The following ACAP2 variants were observed in gnomAD, a reference collection of about 807,000 sequenced individuals.
The protein encoded by ACAP2 is arf-GAP with coiled-coil, ANK repeat and PH domain-containing protein 2.
A neutral mutation model predicts 115.8 loss-of-function variants in ACAP2; 39 were observed. The ratio of observed to expected loss-of-function variants is 0.34; its 90% CI spans 0.26 to 0.44. ACAP2 has a LOEUF of 0.44. ACAP2 is among the 20% of genes least tolerant of loss of function. The pLI is 1.00. For missense variants in ACAP2, 662 were observed against 927.6 expected (o/e 0.71, Z 3.72); for synonymous variants, 289 against 315.8 (o/e 0.92, Z 0.90).
chr3:195,354,529 G>A (rs959067631), intron 4 of ACAP2, among the ~76,000 whole-genome samples: 1 of 152,084 alleles, frequency 6.6e-6, no homozygotes, highest in Non-Finnish European at 1.5e-5. Flanking sequence ...TAATGGGGTT[G>A]TGTTTTTCTT....
intron 4 of ACAP2, among the ~76,000 whole-genome samples, chr3:195,351,409 G>A (rs199641550): frequency 1.3e-4 from 19 of 150,794 alleles, no homozygotes; most frequent in African/African-American, 4.1e-4. Flanking sequence ...GAGTCACCAC[G>A]CCAGGCCAAT....
At chr3:195,350,655 A>C (rs1398827497) in intron 4 of ACAP2, among the ~76,000 whole-genome samples, 2 of 151,780 alleles carry the variant, frequency 1.3e-5, no homozygotes, top group African/African-American at 2.4e-5. Context: ...TCAGGAAAAA[A>C]AAAAAAAGAA....
chr3:195,289,002 G>C, intron 21 of ACAP2, 119 bp downstream of exon 21: 2 of 669,756 alleles, frequency 3.0e-6, no homozygotes, highest in Non-Finnish European at 5.1e-6. Flanking sequence ...TTATATAAGG[G>C]ACATGAGCAT....
In ACAP2 at chr3:195,292,446, T is replaced by C. The variant is rs1727321552; in HGVS notation, c.1772A>G (p.Glu591Gly). The C allele has an allele frequency of 6.9e-6, 11 of 1,600,340 alleles. No individual in the cohort carries two copies. The highest frequency in any genetic ancestry group is 9.4e-6 in the Non-Finnish European group (11 of 1,176,244). The change falls in exon 19 of 23, where the codon GAA becomes GGA. Residue 591 changes from glutamate to glycine, a missense_variant. Glu to Gly is a moderately conservative substitution (Grantham distance 98). This residue lies in a region of ACAP2 where 133 missense variants were observed against 123.1 expected (regional missense o/e 1.08). Coordinates refer to ENST00000326793, the MANE Select transcript of ACAP2 (RefSeq NM_012287.6). ...SANSLYEPEGERQDSSMFLDS... is the reference protein window; with the variant it reads ...SANSLYEPEGGRQDSSMFLDS... The stretch of plus-strand genomic sequence containing the variant: ...AAGAAACATAGAAGAATCTTGCCTT[T>C]CTCCTTCTGAAAAGCAAACACATAC...
chr3:195,293,435 G>T (rs1018320325), intron 18 of ACAP2, among the ~76,000 whole-genome samples: 1 of 152,230 alleles, frequency 6.6e-6, no homozygotes, highest in African/African-American at 2.4e-5. Flanking sequence ...TCTTTCTCCT[G>T]ATAGGACAGC....
intron 1 of ACAP2, among the ~76,000 whole-genome samples, chr3:195,435,142 C>A (rs934146234): frequency 1.8e-5 from 2 of 112,076 alleles, no homozygotes; most frequent in Admixed American, 2.1e-4. Flanking sequence ...TCTTCTTTTT[C>A]TAGTTTGCTG....
At chr3:195,354,047 G>A (rs1203125934) in intron 4 of ACAP2, among the ~76,000 whole-genome samples, 1 of 152,090 alleles carries the variant, frequency 6.6e-6, no homozygotes, top group African/African-American at 2.4e-5. Context: ...GTGTCCATGT[G>A]TTCTCATCAT....
chr3:195,379,458 TCAACAACAA>T (rs762499348), intron 4 of ACAP2, among the ~76,000 whole-genome samples: 29 of 151,612 alleles, frequency 1.9e-4, no homozygotes, highest in Admixed American at 1.2e-3. Context: ...CAAGTGTAAG[TCAACAACAA>T]CAACAACAAC....
In ACAP2 at chr3:195,391,191, A is replaced by G. The variant is rs1734647026; in HGVS notation, c.111+899T>C. Among the ~76,000 whole-genome samples the G allele has an allele frequency of 1.3e-5, 2 of 151,070 alleles. 1 individual carries two copies. Among genetic ancestry groups the G allele is most frequent in the South Asian group, 4.2e-4 (2 of 4,754 alleles). On this transcript the variant is annotated intron_variant, in intron 2 of 22. Transcript: ENST00000326793. ...TTAAGCAACAAAAAAGAAAGATGCA[A>G]TCTTTTTGGTAGAAAATACAGAAAA...
intron 1 of ACAP2, among the ~76,000 whole-genome samples, chr3:195,437,557 T>C (rs1490120285): frequency 6.6e-6 from 1 of 152,178 alleles, no homozygotes; most frequent in African/African-American, 2.4e-5. Flanking sequence ...GGCTCACACC[T>C]GCAATCCCAG....
intron 21 of ACAP2, among the ~76,000 whole-genome samples, chr3:195,287,967 G>A (rs1726956301): frequency 1.3e-5 from 2 of 152,126 alleles, no homozygotes; most frequent in South Asian, 4.1e-4. Flanking sequence ...CAGGCGTGGT[G>A]GCGCATGTGT....
intron 21 of ACAP2, among the ~76,000 whole-genome samples, chr3:195,288,601 T>C (rs1727005135): frequency 6.6e-6 from 1 of 152,174 alleles, no homozygotes; most frequent in South Asian, 2.1e-4. Flanking sequence ...CTCACACCTG[T>C]AATCCCAGCA....
chr3:195,403,681 C>G (rs935483118), intron 1 of ACAP2, among the ~76,000 whole-genome samples: 1 of 152,170 alleles, frequency 6.6e-6, no homozygotes, highest in African/African-American at 2.4e-5. Flanking sequence ...AAGTTTCAGG[C>G]TGGAGCAAAA....
At chr3:195,393,885 G>T (rs77532068) in intron 1 of ACAP2, among the ~76,000 whole-genome samples, 1 of 39,772 alleles carries the variant, frequency 2.5e-5, no homozygotes, top group Non-Finnish European at 5.3e-5. Flanking sequence ...GTATTATATT[G>T]GGGGGGGGGG....
intron 4 of ACAP2, among the ~76,000 whole-genome samples, chr3:195,368,220 G>A (rs917839069): frequency 2.0e-5 from 3 of 152,158 alleles, no homozygotes; most frequent in African/African-American, 7.2e-5. Context: ...CTCGATCTCA[G>A]CTCACTGCAA....
chr3:195,370,228 T>C (rs1733032597), intron 4 of ACAP2, among the ~76,000 whole-genome samples: 1 of 152,228 alleles, frequency 6.6e-6, no homozygotes, highest in Non-Finnish European at 1.5e-5. Context: ...CAGTTTCTTT[T>C]ACTGTGCAGA....
chr3:195,305,792 T>C (rs1041193668), intron 13 of ACAP2, among the ~76,000 whole-genome samples: 9 of 151,974 alleles, frequency 5.9e-5, no homozygotes, highest in Non-Finnish European at 1.3e-4. Flanking sequence ...TCTAAGCCTT[T>C]CTGCTTGGAT....
rs573959090 is a variant in ACAP2 at position 195,434,970 on chromosome 3, T to C, written c.53+7825A>G. On this transcript the variant is annotated intron_variant, in intron 1 of 22. Coordinates refer to ENST00000326793, the MANE Select transcript of ACAP2 (RefSeq NM_012287.6). ...AGTAATCTGAGTCACTGCCCTTTTT[T>C]CTTGGTCACTCTAACTAAAGATGTG... is the stretch of plus-strand genomic sequence containing the variant. Among the ~76,000 whole-genome samples the C allele has an allele frequency of 1.4e-3, 215 of 150,634 alleles. 4 individuals carry two copies. The highest frequency in any genetic ancestry group is 4.9e-3 in the African/African-American group (197 of 39,948).
intron 14 of ACAP2, 150 bp downstream of exon 14, chr3:195,301,816 C>G (rs906404594): frequency 2.9e-5 from 34 of 1,183,950 alleles, no homozygotes; most frequent in Non-Finnish European, 3.6e-5. Context: ...CTTTTACAAA[C>G]CAGGATTTTA....
Sources: gnomAD v4.1 joint callset for allele counts (sites outside exome capture counted in the v4.1 genomes callset) on GRCh38, gnomAD v4.1.1 for gene constraint, gnomAD v4.1.1 regional missense constraint, MANE v1.5 for transcripts, NCBI Gene and HGNC (gene_info 2026-07-23, HGNC 2026-07-21) for gene names.